Variants in XPO7 observed in about 807,000 individuals in gnomAD.
XPO7 encodes the protein exportin-7.
Under a neutral mutation model 144.3 loss-of-function variants are expected in XPO7, and 21 were observed. The ratio of observed to expected loss-of-function variants is 0.15; its 90% CI spans 0.10 to 0.21. The LOEUF (loss-of-function observed/expected upper bound fraction) is 0.21, where lower values mean the gene tolerates loss of function less well. Ranked by LOEUF, XPO7 falls within the 10% of genes least tolerant of loss-of-function variation. XPO7 has a pLI of 1.00. For missense variants in XPO7, 808 were observed against 1,325.8 expected (o/e 0.61, Z 6.06); for synonymous variants, 580 against 499.6 (o/e 1.16, Z -2.15).
chr8:22,004,935 A>C, intron 27 of XPO7, 60 bp from the exon 28 acceptor site: 1 of 841,122 alleles, frequency 1.2e-6, no homozygotes, highest in Non-Finnish European at 1.8e-6. Flanking sequence ...AAAAAAAAAA[A>C]AAGGCAAATA....
At position 21,969,551 on chromosome 8, in the gene XPO7, A is replaced by G. The variant is rs984135483; in HGVS notation, c.234A>G (p.Leu78=). ...TKLVSRTNNP[L]PLEQRIDIRN... is the part of the protein sequence containing the mutation. ...TTGTATCACGCACAAACAACCCCCT[A>G]CCATTGGAACAGCGAATAGATATTC... Residue 78 remains leucine (L), a synonymous_variant, in exon 3 of 28, where the codon CTA becomes CTG. Transcript: ENST00000252512. 5 of 1,613,444 alleles carry G rather than the reference A, an allele frequency of 3.1e-6. No homozygotes were observed. In the African/African-American group the frequency reaches 5.3e-5, roughly 17 times the overall value.
intron 1 of XPO7, among the ~76,000 whole-genome samples, chr8:21,956,144 T>A (rs1024251976): frequency 3.3e-5 from 5 of 152,234 alleles, no homozygotes; most frequent in African/African-American, 1.2e-4. Flanking sequence ...CCCCCAAAGA[T>A]AACTTTGTTC....
intron 18 of XPO7, among the ~76,000 whole-genome samples, chr8:21,991,241 A>G (rs985921288): frequency 3.3e-5 from 5 of 152,174 alleles, no homozygotes; most frequent in Admixed American, 2.0e-4. Flanking sequence ...CCACCCCACA[A>G]TGAGGTGTAA....
chr8:21,928,212 T>C (rs1810525969), intron 1 of XPO7, among the ~76,000 whole-genome samples: 1 of 152,256 alleles, frequency 6.6e-6, no homozygotes, highest in Non-Finnish European at 1.5e-5. Flanking sequence ...CTGACTTCTT[T>C]CACTCAGCAT....
intron 5 of XPO7, among the ~76,000 whole-genome samples, 183 bp from the exon 6 acceptor site, chr8:21,974,487 A>G (rs1416256913): frequency 2.0e-5 from 3 of 152,254 alleles, no homozygotes; most frequent in Non-Finnish European, 2.9e-5. Flanking sequence ...TACCCTGGCT[A>G]TTAGCAGTTT....
At chr8:21,988,638 G>A in intron 15 of XPO7, 1 of 186,692 alleles carries the variant, frequency 5.4e-6, no homozygotes, top group Non-Finnish European at 1.1e-5. Context: ...CTAGAATTCT[G>A]CAGCTGACAG....
At chr8:22,003,181 A>G (rs1176913970) in intron 25 of XPO7, 38 bp from the exon 26 acceptor site, 3 of 1,535,792 alleles carry the variant, frequency 2.0e-6, no homozygotes, top group Admixed American at 1.8e-5. Flanking sequence ...GTAGCAATAC[A>G]TTAGGTCACT....
intron 6 of XPO7, among the ~76,000 whole-genome samples, chr8:21,975,370 G>A (rs1467695963): frequency 6.6e-6 from 1 of 152,170 alleles, no homozygotes; most frequent in Non-Finnish European, 1.5e-5. Context: ...TCGAAAGTTG[G>A]TGTTTTCAAT....
intron 19 of XPO7, among the ~76,000 whole-genome samples, chr8:21,992,439 G>A (rs1450918129): frequency 6.6e-6 from 1 of 152,066 alleles, no homozygotes; most frequent in African/African-American, 2.4e-5. Context: ...ATTTTAATAT[G>A]GAACATTTTC....
chr8:21,977,876 C>G (rs772485232), intron 8 of XPO7, 33 bp downstream of exon 8: 12 of 1,578,040 alleles, frequency 7.6e-6, no homozygotes, highest in South Asian at 1.1e-5. Context: ...TAAAGCAAAC[C>G]TATTCATAGA....
rs1812421948 is a variant in XPO7 at position 21,981,956 on chromosome 8, A to T, written c.1104+79A>T. 22 of 1,543,450 alleles carry T rather than the reference A, an allele frequency of 1.4e-5. No homozygotes were observed. The East Asian group carries it at 2.5e-4, about 18-fold the overall frequency. On this transcript the variant is annotated intron_variant, in intron 10 of 27. Transcript: ENST00000252512. ...GTTGGTTTTAACCATGTAAGAATAT[A>T]TTTTTTTTTCTTGGCAAAGGTAACC...
At chr8:21,930,595 C>G (rs938117636) in intron 1 of XPO7, among the ~76,000 whole-genome samples, 2 of 152,122 alleles carry the variant, frequency 1.3e-5, no homozygotes, top group Non-Finnish European at 2.9e-5. Context: ...TGTATGTTCA[C>G]TTAACATTCC....
rs752850042 is a variant in XPO7 at position 21,989,073 on chromosome 8, C to G, written c.1858C>G (p.Leu620Val). The change falls in exon 16 of 28, where the codon CTG (leucine) becomes GTG (valine). Residue 620 changes from leucine (L) to valine (V), a missense_variant. Leu to Val is a conservative substitution (Grantham distance 32). Transcript: ENST00000252512. ...CAAGACACTACAGCTTCTCAATGAC[C>G]TGTCCATTGGATATCCTTTTCTAAG... ...TSKTLQLLND[L>V]SIGYSSVRKL... 6.2e-7 allele frequency: 1 copy of G among 1,613,640 alleles called. No individual in the cohort carries two copies. The highest frequency in any genetic ancestry group is 1.7e-5 in the Admixed American group (1 of 60,008).
Position 21,958,961 on chromosome 8 carries a change from CAAA to C in XPO7, c.19-7881_19-7879del, listed in dbSNP as rs34867010. ...GGGTGACAGAGTAAGACTCTGTCTC[CAAA>C]AAAAAAAAAAAAAAGAGGCAAAGCA... On this transcript the variant is annotated intron_variant, in intron 1 of 27. Transcript: ENST00000252512. Among the ~76,000 whole-genome samples the C allele has an allele frequency of 6.9e-3, 852 of 123,054 alleles. 8 individuals are homozygous for C. The highest frequency in any genetic ancestry group is 0.021 in the African/African-American group (725 of 34,690). The allele number at this position is 123,054 out of a possible 152,430, so 80.7% of individuals were successfully genotyped here.
In XPO7 at chr8:21,969,413, T is replaced by TC. The variant is rs777443620; in HGVS notation, c.166-68dup. ...CTTTTCTTGAATCTGAGCAGAGATC[T>TC]CCAAGTTAAAAACCTTGTGACTGGC... On this transcript the variant is annotated intron_variant, in intron 2 of 27. Transcript: ENST00000252512. 57 of 1,341,694 alleles carry TC rather than the reference T, an allele frequency of 4.2e-5. No homozygotes were observed. In the East Asian group the frequency reaches 4.6e-4, roughly 11 times the overall value. 83.1% of individuals were successfully genotyped at this position (1,341,694 alleles called of 1,614,324 possible).
rs1585488391 is a variant in XPO7 at position 22,003,171 on chromosome 8, G to C, written c.2944-48G>C. 3 of 1,457,326 alleles carry C rather than the reference G, an allele frequency of 2.1e-6. No homozygotes were observed. The East Asian group carries it at 7.0e-5, about 34-fold the overall frequency. 90.3% of individuals were successfully genotyped at this position (1,457,326 alleles called of 1,614,324 possible). On this transcript the variant is annotated intron_variant, in intron 25 of 27. Transcript: ENST00000252512. ...TTTGGAATCTGTCGTTTTATCTTGG[G>C]TAGCAATACATTAGGTCACTGCCTG...
At chr8:21,942,927 T>A (rs1425929124) in intron 1 of XPO7, among the ~76,000 whole-genome samples, 1 of 152,206 alleles carries the variant, frequency 6.6e-6, no homozygotes, top group Non-Finnish European at 1.5e-5. Flanking sequence ...TGTGTGGCAG[T>A]GAAGAATATA....
chr8:21,969,652 G>A (rs1811989266), intron 3 of XPO7, 76 bp downstream of exon 3: 5 of 1,300,914 alleles, frequency 3.8e-6, no homozygotes, highest in Middle Eastern at 1.8e-4. Context: ...TCAAATGTAC[G>A]TGTTTGTTCA....
At chr8:22,000,939 A>G (rs1037605544) in intron 24 of XPO7, among the ~76,000 whole-genome samples, 23 of 152,270 alleles carry the variant, frequency 1.5e-4, no homozygotes, top group African/African-American at 4.8e-4. Flanking sequence ...ATTTACTTCT[A>G]TCAGTCTATC....
Sources: allele counts gnomAD v4.1 joint callset (sites outside exome capture counted in the v4.1 genomes callset), GRCh38; gene constraint gnomAD v4.1.1; transcripts MANE v1.5; gene names NCBI Gene and HGNC (gene_info 2026-07-23, HGNC 2026-07-21).